FA2H: variants seen among roughly 807,000 people sequenced by gnomAD.
FA2H encodes the protein fatty acid 2-hydroxylase.
Under a neutral mutation model 44.9 loss-of-function variants are expected in FA2H, and 22 were observed. That is an observed-to-expected ratio of 0.49 (90% CI 0.35 to 0.70). The LOEUF is 0.70. Among genes scored for constraint, FA2H ranks in the 30% least tolerant of loss-of-function variants. The probability of loss-of-function intolerance (pLI) is 0.01; values close to 1 mark genes in which losing one functional copy is unlikely to be tolerated. For synonymous variants in FA2H, 243 were observed against 213.2 expected, an observed-to-expected ratio of 1.14 and a Z score of -1.22; for missense variants, 501 against 504.9, an observed-to-expected ratio of 0.99 and a Z score of 0.07.
intron 4 of FA2H, among the ~76,000 whole-genome samples, chr16:74,724,913 G>A (rs1327986998): frequency 1.3e-5 from 2 of 152,184 alleles, no homozygotes; most frequent in African/African-American, 2.4e-5. Context: ...GGAGGAATCC[G>A]GCGGAGGGAC....
intron 1 of FA2H, among the ~76,000 whole-genome samples, chr16:74,767,937 C>T (rs1962838849): frequency 6.6e-6 from 1 of 152,102 alleles, no homozygotes; most frequent in South Asian, 2.1e-4. Context: ...CCAGGCCATG[C>T]AAGGTAAGGT....
At chr16:74,763,161 G>C (rs1367395885) in intron 1 of FA2H, among the ~76,000 whole-genome samples, 2 of 152,186 alleles carry the variant, frequency 1.3e-5, no homozygotes, top group Non-Finnish European at 2.9e-5. Context: ...ATCTTTGTGA[G>C]TAAACGATGC....
intron 4 of FA2H, among the ~76,000 whole-genome samples, chr16:74,724,435 T>A (rs542131770): frequency 1.3e-5 from 2 of 152,198 alleles, no homozygotes; most frequent in South Asian, 4.1e-4. Flanking sequence ...CATTTTCATG[T>A]GCGCATCTAG....
At chr16:74,716,837 G>T (rs896186995) in intron 5 of FA2H, 13 of 353,804 alleles carry the variant, frequency 3.7e-5, no homozygotes, top group Non-Finnish European at 6.0e-5. Context: ...AGGAACATGG[G>T]ATGGGCGGGA....
intron 4 of FA2H, among the ~76,000 whole-genome samples, chr16:74,725,545 A>C (rs1961934387): frequency 6.6e-6 from 1 of 152,182 alleles, no homozygotes; most frequent in Non-Finnish European, 1.5e-5. Flanking sequence ...CCTGGTATCC[A>C]CATCCTAGCC....
At chr16:74,721,198 G>T (rs559099850) in intron 4 of FA2H, among the ~76,000 whole-genome samples, 3 of 151,450 alleles carry the variant, frequency 2.0e-5, no homozygotes, top group African/African-American at 2.4e-5. Flanking sequence ...GCAGAGTTTC[G>T]CTCTTGTCAC....
intron 1 of FA2H, among the ~76,000 whole-genome samples, chr16:74,741,663 G>A (rs1462924647): frequency 6.6e-6 from 1 of 151,234 alleles, no homozygotes; most frequent in African/African-American, 2.4e-5. Flanking sequence ...GTTTGGCCAT[G>A]TTGCCCAGAC....
intron 1 of FA2H, among the ~76,000 whole-genome samples, chr16:74,772,019 T>C (rs966190376): frequency 2.6e-5 from 4 of 151,570 alleles, no homozygotes; most frequent in African/African-American, 4.9e-5. Flanking sequence ...GGCGTGATCT[T>C]GGCTCACTGC....
rs542207870 is a variant in FA2H, at chr16:74,739,639, T to C, written c.363+384A>G. Among the ~76,000 whole-genome samples, 11 of 152,324 alleles carry C rather than the reference T, an allele frequency of 7.2e-5. No individual in the cohort carries two copies. The East Asian group carries it at 2.1e-3, about 29-fold the overall frequency. On this transcript the variant is annotated intron_variant, in intron 2 of 6. Transcript: ENST00000219368. ...TGCACTGGCCAATGTCGCTTCCACA[T>C]GGCTGCAGGTGCCAGGGGCAGCTCT...
At chr16:74,752,589 T>C (rs1962546812) in intron 1 of FA2H, among the ~76,000 whole-genome samples, 2 of 152,306 alleles carry the variant, frequency 1.3e-5, no homozygotes, top group Admixed American at 1.3e-4. Context: ...CCTGTAATTA[T>C]CATGTCTGTC....
chr16:74,721,634 C>T (rs1031102272), intron 4 of FA2H, among the ~76,000 whole-genome samples: 1 of 152,190 alleles, frequency 6.6e-6, no homozygotes, highest in Admixed American at 6.5e-5. Flanking sequence ...AGACCCTAGA[C>T]ACAGCCTGAT....
chr16:74,759,196 G>T (rs180894487), intron 1 of FA2H, among the ~76,000 whole-genome samples: 2 of 152,208 alleles, frequency 1.3e-5, no homozygotes, highest in Admixed American at 1.3e-4. Context: ...AGGGAACTTC[G>T]ATGTCAGTCT....
At chr16:74,724,988 TTG>T (rs1961920442) in intron 4 of FA2H, among the ~76,000 whole-genome samples, 1 of 152,060 alleles carries the variant, frequency 6.6e-6, no homozygotes, top group Non-Finnish European at 1.5e-5. Flanking sequence ...CTGCCACTGT[TTG>T]TGATTGTTAG....
chr16:74,727,092 A>G, intron 3 of FA2H, 152 bp downstream of exon 3: 2 of 1,107,254 alleles, frequency 1.8e-6, no homozygotes. Context: ...ATAGGGATGA[A>G]TTATTCCCAT....
chr16:74,739,114 G>A (rs1271254338), intron 2 of FA2H, among the ~76,000 whole-genome samples: 8 of 152,190 alleles, frequency 5.3e-5, no homozygotes, highest in Non-Finnish European at 1.2e-4. Context: ...TTCCTTGGGC[G>A]AGCATCCCAT....
chr16:74,714,654 C>T (rs900696941), intron 6 of FA2H, among the ~76,000 whole-genome samples: 1 of 152,016 alleles, frequency 6.6e-6, no homozygotes, highest in Non-Finnish European at 1.5e-5. Context: ...TCTAATGGCA[C>T]CTCTGCAATG....
At chr16:74,745,915 C>T (rs764730945) in intron 1 of FA2H, among the ~76,000 whole-genome samples, 1 of 151,594 alleles carries the variant, frequency 6.6e-6, no homozygotes, top group African/African-American at 2.4e-5. Flanking sequence ...AAGCAATTCT[C>T]CTGCCTCAGC....
intron 2 of FA2H, among the ~76,000 whole-genome samples, chr16:74,738,036 C>T (rs1409137003): frequency 6.6e-6 from 1 of 152,204 alleles, no homozygotes; most frequent in East Asian, 1.9e-4. Flanking sequence ...ACCCTCTGCC[C>T]TCCTGGGAAG....
At position 74,743,805 on chromosome 16, in the gene FA2H, C is replaced by T. The variant is rs117106739; in HGVS notation, c.271-3690G>A. Reference sequence around the variant, plus strand: ...GTGGCTTCATTGGGACCACACCCCTCCTTGGCAGAAGCCCAGGTTCTTATC... The same window carrying T: ...GTGGCTTCATTGGGACCACACCCCTTCTTGGCAGAAGCCCAGGTTCTTATC... On this transcript the variant is annotated intron_variant, in intron 1 of 6. Transcript: ENST00000219368. Among the ~76,000 whole-genome samples, 993 of 152,302 alleles carry T rather than the reference C, an allele frequency of 6.5e-3. 3 individuals are homozygous for T. The highest frequency in any genetic ancestry group is 0.018 in the East Asian group (94 of 5,190).
Sources: allele counts gnomAD v4.1 joint callset (sites outside exome capture counted in the v4.1 genomes callset), GRCh38; gene constraint gnomAD v4.1.1; transcripts MANE v1.5; gene names NCBI Gene and HGNC (gene_info 2026-07-23, HGNC 2026-07-21).